Variants in ERP44 observed in about 807,000 individuals in gnomAD.
ERP44 encodes endoplasmic reticulum protein 44.
ERP44 carries 25 observed loss-of-function variants against 53.4 expected under a neutral mutation model. The observed-to-expected ratio is 0.47, with a 90% CI of 0.34 to 0.65. ERP44 has a LOEUF of 0.65. ERP44 is among the 30% of genes least tolerant of loss of function. The pLI, the probability that ERP44 is intolerant of heterozygous loss-of-function variation, is 0.01. For missense variants in ERP44, 338 were observed against 493.2 expected (o/e 0.69, Z 2.98); for synonymous variants, 145 against 161.2 (o/e 0.90, Z 0.76).
chr9:100,021,473 G>A (rs892596699), intron 5 of ERP44, among the ~76,000 whole-genome samples: 4 of 152,192 alleles, frequency 2.6e-5, no homozygotes, highest in African/African-American at 9.7e-5. Flanking sequence ...TCCATGAAAT[G>A]GTAATTGGTT....
At chr9:100,067,241 G>C (rs1451110827) in intron 1 of ERP44, among the ~76,000 whole-genome samples, 1 of 152,158 alleles carries the variant, frequency 6.6e-6, no homozygotes, top group Non-Finnish European at 1.5e-5. Flanking sequence ...CTGATGCCGA[G>C]CGGAAGCTGG....
intron 4 of ERP44, among the ~76,000 whole-genome samples, chr9:100,050,209 T>A (rs1476120861): frequency 1.3e-5 from 2 of 152,054 alleles, no homozygotes; most frequent in Non-Finnish European, 2.9e-5. Context: ...CAAGGAAAAT[T>A]TTGGAGGATG....
intron 4 of ERP44, among the ~76,000 whole-genome samples, chr9:100,044,334 C>A (rs1825945241): frequency 6.6e-6 from 1 of 151,952 alleles, no homozygotes; most frequent in African/African-American, 2.4e-5. Context: ...GCCATTTTAT[C>A]ATTATTATTG....
intron 1 of ERP44, among the ~76,000 whole-genome samples, chr9:100,073,899 A>G (rs1486749526): frequency 6.6e-6 from 1 of 152,210 alleles, no homozygotes; most frequent in African/African-American, 2.4e-5. Context: ...TCCTTACTAC[A>G]TTCAATGCAC....
intron 1 of ERP44, among the ~76,000 whole-genome samples, chr9:100,068,506 T>C (rs1587980255): frequency 8.1e-6 from 1 of 124,024 alleles, no homozygotes; most frequent in Non-Finnish European, 1.7e-5. Context: ...AGCCGCCCCG[T>C]CCGGGAGGGA....
chr9:99,996,932 T>C (rs1830315769), intron 10 of ERP44, among the ~76,000 whole-genome samples: 1 of 19,830 alleles, frequency 5.0e-5, no homozygotes. Flanking sequence ...TGTATATATA[T>C]ACACATACAT....
intron 4 of ERP44, among the ~76,000 whole-genome samples, chr9:100,050,155 G>A (rs1826020904): frequency 6.6e-6 from 1 of 152,040 alleles, no homozygotes; most frequent in African/African-American, 2.4e-5. Context: ...TAAGGATGAT[G>A]AAGGTGAGGT....
At chr9:100,014,271 GTTGTTTT>G (rs569608152) in intron 8 of ERP44, among the ~76,000 whole-genome samples, 133 of 152,160 alleles carry the variant, frequency 8.7e-4, no homozygotes, top group African/African-American at 2.6e-3. Flanking sequence ...TTGGTCTTTA[GTTGTTTT>G]TTGTTTTTTG....
intron 1 of ERP44, among the ~76,000 whole-genome samples, chr9:100,077,801 C>T (rs1826374725): frequency 6.6e-6 from 1 of 152,190 alleles, no homozygotes; most frequent in Admixed American, 6.5e-5. Flanking sequence ...TACTCCATAA[C>T]AGAGGTAAGG....
rs1469297666 is a variant in ERP44 at position 99,981,376 on chromosome 9, C to T, written c.*1236G>A. The T allele has an allele frequency of 2.6e-5, 4 of 152,582 alleles. No individual in the cohort carries two copies. Among genetic ancestry groups the T allele is most frequent in the Non-Finnish European group, 4.4e-5 (3 of 68,044 alleles). 9.5% of individuals were successfully genotyped at this position (152,582 alleles called of 1,614,324 possible). On this transcript the variant is annotated 3_prime_UTR_variant, in exon 12 of 12. Transcript: ENST00000262455. ...AAGATGTTACATATATTACATACTA[C>T]ATATAATGGCACATGTCAGCCTTTT...
intron 1 of ERP44, among the ~76,000 whole-genome samples, chr9:100,062,284 CTT>C (rs960477036): frequency 2.6e-4 from 39 of 152,170 alleles, no homozygotes; most frequent in African/African-American, 8.2e-4. Flanking sequence ...ATGCTTTTCT[CTT>C]GTTAATCTAC....
intron 9 of ERP44, 77 bp from the exon 10 acceptor site, chr9:100,006,724 A>C: frequency 9.8e-7 from 1 of 1,016,968 alleles, no homozygotes; most frequent in Non-Finnish European, 1.4e-6. Flanking sequence ...AGCTCACAAA[A>C]AGTGACATAC....
At chr9:99,991,475 A>G (rs114907781) in intron 10 of ERP44, among the ~76,000 whole-genome samples, 324 of 152,370 alleles carry the variant, frequency 2.1e-3, no homozygotes, top group African/African-American at 7.2e-3. Context: ...CAATGAGAAC[A>G]AAGACAGTGT....
At chr9:100,044,128 G>A (rs1825942379) in intron 4 of ERP44, among the ~76,000 whole-genome samples, 1 of 152,058 alleles carries the variant, frequency 6.6e-6, no homozygotes, top group Non-Finnish European at 1.5e-5. Context: ...TATAAACTAT[G>A]GCAGTATTTA....
intron 4 of ERP44, among the ~76,000 whole-genome samples, chr9:100,049,250 A>AT (rs1488507821): frequency 6.6e-6 from 1 of 151,958 alleles, no homozygotes; most frequent in Admixed American, 6.6e-5. Context: ...CTCTAAAAAT[A>AT]TTTTTTTAAA....
chr9:100,056,645 G>A (rs1477311880), intron 3 of ERP44, among the ~76,000 whole-genome samples: 20 of 152,144 alleles, frequency 1.3e-4, no homozygotes. Flanking sequence ...GAAGAAAATG[G>A]CATCTAATCT....
intron 10 of ERP44, chr9:99,998,730 T>C (rs1291307676): frequency 1.4e-6 from 1 of 726,732 alleles, no homozygotes. Context: ...TTTTTGCATC[T>C]CTTTTCTTTT....
intron 4 of ERP44, among the ~76,000 whole-genome samples, chr9:100,030,441 A>G (rs754201009): frequency 2.6e-5 from 4 of 152,052 alleles, no homozygotes; most frequent in Non-Finnish European, 5.9e-5. Context: ...GAGGGGAGTT[A>G]GAGTGTCTCC....
At chr9:100,059,083 T>TTA (rs1394429077) in intron 2 of ERP44, among the ~76,000 whole-genome samples, 5 of 152,178 alleles carry the variant, frequency 3.3e-5, no homozygotes, top group Admixed American at 6.5e-5. Context: ...ATGCTAAAGT[T>TTA]CATGGAACCA....
Sources: gnomAD v4.1 joint callset for allele counts (sites outside exome capture counted in the v4.1 genomes callset) on GRCh38, gnomAD v4.1.1 for gene constraint, MANE v1.5 for transcripts, NCBI Gene and HGNC (gene_info 2026-07-23, HGNC 2026-07-21) for gene names.